STAM: variants seen among roughly 807,000 people sequenced by gnomAD.
The protein encoded by STAM is signal transducing adaptor molecule.
STAM carries 16 observed loss-of-function variants against 63.4 expected under a neutral mutation model. The observed-to-expected ratio is 0.25, with a 90% CI of 0.17 to 0.38. The LOEUF is 0.38. Ranked by LOEUF, STAM falls within the 10% of genes least tolerant of loss-of-function variation. The pLI is 1.00. For missense variants in STAM, 636 were observed against 657.1 expected (o/e 0.97, Z 0.35); for synonymous variants, 238 against 223.9 (o/e 1.06, Z -0.56).
intron 11 of STAM, 46 bp from the exon 12 acceptor site, chr10:17,705,542 T>C (rs1836221571): frequency 1.3e-6 from 2 of 1,578,320 alleles, no homozygotes; most frequent in Non-Finnish European, 8.6e-7. Context: ...GAGCATTATA[T>C]CATTTTAGTA....
At chr10:17,688,342 T>A (rs1238724277) in intron 5 of STAM, among the ~76,000 whole-genome samples, 169 bp downstream of exon 5, 6 of 152,238 alleles carry the variant, frequency 3.9e-5, no homozygotes, top group Non-Finnish European at 8.8e-5. Flanking sequence ...ATACTAGTTT[T>A]CTGGCATTCA....
At chr10:17,660,106 T>C (rs1260626061) in intron 1 of STAM, among the ~76,000 whole-genome samples, 1 of 152,194 alleles carries the variant, frequency 6.6e-6, no homozygotes, top group Non-Finnish European at 1.5e-5. Flanking sequence ...GAAACATTTT[T>C]ATAAAGATTT....
intron 1 of STAM, among the ~76,000 whole-genome samples, chr10:17,651,077 A>T (rs986664210): frequency 6.6e-6 from 1 of 151,394 alleles, no homozygotes; most frequent in Non-Finnish European, 1.5e-5. Context: ...AAAAAAAAAA[A>T]AAAAAAAAAA....
At chr10:17,700,727 C>T (rs1439014151) in intron 9 of STAM, among the ~76,000 whole-genome samples, 4 of 151,998 alleles carry the variant, frequency 2.6e-5, no homozygotes, top group Admixed American at 2.6e-4. Context: ...TTTTTACACT[C>T]GTATTCATAT....
chr10:17,695,343 T>G, intron 7 of STAM, 102 bp downstream of exon 7: 1 of 1,090,916 alleles, frequency 9.2e-7, no homozygotes, highest in Non-Finnish European at 1.3e-6. Flanking sequence ...ATAATAAATA[T>G]TGACCCAGAT....
At chr10:17,710,293 G>C (rs1836499856) in intron 13 of STAM, among the ~76,000 whole-genome samples, 1 of 152,150 alleles carries the variant, frequency 6.6e-6, no homozygotes, top group Non-Finnish European at 1.5e-5. Context: ...CTGTTGGTAG[G>C]TGCTTTAACA....
chr10:17,697,798 T>TTA (rs1182455794), intron 8 of STAM, among the ~76,000 whole-genome samples: 7 of 152,160 alleles, frequency 4.6e-5, no homozygotes, highest in South Asian at 2.1e-4. Context: ...TTTAAAGAGC[T>TTA]TATATGTATA....
chr10:17,644,276 G>C lies in STAM; in HGVS notation c.-64G>C, dbSNP rs1029032640. On this transcript the variant is annotated 5_prime_UTR_variant, in exon 1 of 14. Coordinates refer to ENST00000377524, the MANE Select transcript of STAM (RefSeq NM_003473.4). ...TTGCCTGAGGAGTCTTCCATCCTAC[G>C]TCGAGCTCTGACTCCCGTGCTGTCG... 3 of 1,581,322 alleles carry C rather than the reference G, an allele frequency of 1.9e-6. No individual in the cohort carries two copies. The South Asian group carries it at 3.3e-5, about 18-fold the overall frequency.
At chr10:17,645,192 G>C (rs1833473258) in intron 1 of STAM, among the ~76,000 whole-genome samples, 1 of 152,054 alleles carries the variant, frequency 6.6e-6, no homozygotes, top group South Asian at 2.1e-4. Context: ...TCCGGGGAGA[G>C]AATTTTGGTT....
intron 4 of STAM, among the ~76,000 whole-genome samples, chr10:17,686,277 A>G (rs902408806): frequency 1.1e-4 from 17 of 152,186 alleles, no homozygotes; most frequent in Admixed American, 1.0e-3. Context: ...TAGTGCAAGC[A>G]GCCATTTCCA....
intron 1 of STAM, among the ~76,000 whole-genome samples, chr10:17,656,421 A>C (rs34222350): frequency 6.6e-6 from 1 of 152,006 alleles, no homozygotes; most frequent in African/African-American, 2.4e-5. Flanking sequence ...TTTTAACTTC[A>C]CTGTAGGTTG....
chr10:17,697,931 T>C (rs1315849485), intron 8 of STAM, among the ~76,000 whole-genome samples: 1 of 152,066 alleles, frequency 6.6e-6, no homozygotes, highest in Non-Finnish European at 1.5e-5. Flanking sequence ...ATAAGAATTT[T>C]AAGAAAAAAA....
chr10:17,648,366 A>G (rs1282346024), intron 1 of STAM, among the ~76,000 whole-genome samples: 1 of 152,220 alleles, frequency 6.6e-6, no homozygotes, highest in Non-Finnish European at 1.5e-5. Context: ...ACTCTGTAAA[A>G]TGAACCAATC....
chr10:17,716,168 A>G lies in STAM; in HGVS notation c.*1388A>G, dbSNP rs957769514. 4.6e-5 allele frequency among the ~76,000 whole-genome samples: 7 copies of G among 152,164 alleles called. No individual in the cohort carries two copies. The highest frequency in any genetic ancestry group is 1.0e-4 in the Non-Finnish European group (7 of 68,002). On this transcript the variant is annotated 3_prime_UTR_variant, in exon 14 of 14. Transcript: ENST00000377524. ...CACTATTTAAACAACGGAAAAGTTG[A>G]GTCGAACATCATATTTAATGAATTG...
chr10:17,663,579 TACTC>T (rs782050166), intron 2 of STAM, among the ~76,000 whole-genome samples: 6 of 152,236 alleles, frequency 3.9e-5, no homozygotes, highest in Admixed American at 6.5e-5. Flanking sequence ...TCTTCCCACT[TACTC>T]ACTTAGTTTT....
chr10:17,651,649 C>G lies in STAM; in HGVS notation c.40+7270C>G, dbSNP rs1286815675. On this transcript the variant is annotated intron_variant, in intron 1 of 13. Transcript: ENST00000377524. ...TGCTTCCATGCTGTTCTTTTGATAC[C>G]TACTTCTTTTTCTGGTTAGCAGAGC... Among the ~76,000 whole-genome samples the G allele has an allele frequency of 2.6e-5, 4 of 152,114 alleles. No homozygotes were observed. In the East Asian group the frequency reaches 7.7e-4, roughly 29 times the overall value.
chr10:17,693,201 T>C (rs1835615943), intron 5 of STAM, 21 bp from the exon 6 acceptor site: 2 of 1,609,398 alleles, frequency 1.2e-6, no homozygotes, highest in Non-Finnish European at 1.7e-6. Flanking sequence ...CCTCAAATAC[T>C]GTGTTCCTCT....
In STAM at chr10:17,708,812, G is replaced by C; in HGVS notation, c.1246G>C (p.Val416Leu). ...AGPPPSGAYL[V>L]AGNAQMSHLQ... ...GCCTCCTCCAAGTGGTGCCTACCTG[G>C]TTGCAGGGAACGCGCAGATGAGCCA... The change falls in exon 13 of 14, where the codon GTT (valine) becomes CTT (leucine). Residue 416 changes from valine (V) to leucine (L), a missense_variant. This residue lies in a region of STAM where 532 missense variants were observed against 536.9 expected (regional missense o/e 0.99). Coordinates refer to ENST00000377524, the MANE Select transcript of STAM (RefSeq NM_003473.4). The C allele has an allele frequency of 1.2e-6, 2 of 1,613,932 alleles. No individual in the cohort carries two copies. Among genetic ancestry groups the C allele is most frequent in the East Asian group, 2.2e-5 (1 of 44,886 alleles).
At position 17,716,550 on chromosome 10, in the gene STAM, T is replaced by A. The variant is rs1836823234; in HGVS notation, c.*1770T>A. 6.6e-6 allele frequency among the ~76,000 whole-genome samples: 1 copy of A among 152,162 alleles called. No homozygotes were observed. Among genetic ancestry groups the A allele is most frequent in the South Asian group, 2.1e-4 (1 of 4,830 alleles). On this transcript the variant is annotated 3_prime_UTR_variant, in exon 14 of 14. Coordinates refer to ENST00000377524, the MANE Select transcript of STAM (RefSeq NM_003473.4). ...GGATTATAATCTTTTCCACTCCAAT[T>A]TGAGTATTATGGTTTAACTGATATA... is the stretch of plus-strand genomic sequence containing the variant.
Sources: gnomAD v4.1 joint callset for allele counts (sites outside exome capture counted in the v4.1 genomes callset) on GRCh38, gnomAD v4.1.1 for gene constraint, gnomAD v4.1.1 regional missense constraint, MANE v1.5 for transcripts, NCBI Gene and HGNC (gene_info 2026-07-23, HGNC 2026-07-21) for gene names.